Variants in CEMIP2 observed in about 807,000 individuals in gnomAD.
CEMIP2 encodes the protein cell surface hyaluronidase CEMIP2.
Under a neutral mutation model 146.9 loss-of-function variants are expected in CEMIP2, and 79 were observed. The ratio of observed to expected loss-of-function variants is 0.54; its 90% CI spans 0.45 to 0.65. The LOEUF (loss-of-function observed/expected upper bound fraction) is 0.65, where lower values mean the gene tolerates loss of function less well. Ranked by LOEUF, CEMIP2 falls within the 30% of genes least tolerant of loss-of-function variation. The probability of loss-of-function intolerance (pLI) is 0.00; values close to 1 mark genes in which losing one functional copy is unlikely to be tolerated. For missense variants in CEMIP2, 1,596 were observed against 1,696.2 expected, an observed-to-expected ratio of 0.94 and a Z score of 1.04; for synonymous variants, 601 against 606.3, an observed-to-expected ratio of 0.99 and a Z score of 0.13.
chr9:71,684,383 A>AAAACC lies in CEMIP2; in HGVS notation c.*813_*814insGGTTT, dbSNP rs1474719767. On this transcript the variant is annotated 3_prime_UTR_variant, in exon 24 of 24. Transcript: ENST00000377044. ...AGGAAAACAACCTACTTCTTAAAAC[A>AAAACC]AAACAAAACAAAACAAAAAAGGAAA... 6.6e-6 allele frequency: 1 copy of AAAACC among 152,432 alleles called. No homozygotes were observed. Among genetic ancestry groups the AAAACC allele is most frequent in the Non-Finnish European group, 1.5e-5 (1 of 68,024 alleles). 9.4% of individuals were successfully genotyped at this position (152,432 alleles called of 1,614,324 possible).
chr9:71,722,308 C>T (rs971268942), intron 12 of CEMIP2, 119 bp downstream of exon 12: 16 of 740,710 alleles, frequency 2.2e-5, no homozygotes, highest in African/African-American at 5.4e-5. Flanking sequence ...AACCCTTTTA[C>T]GAACTTCTAA....
chr9:71,709,556 T>G, intron 16 of CEMIP2, 82 bp from the exon 17 acceptor site: 2 of 1,139,326 alleles, frequency 1.8e-6, no homozygotes, highest in Non-Finnish European at 2.6e-6. Flanking sequence ...CAACTGCAGG[T>G]CCATTGTGAT....
chr9:71,760,729 A>G (rs918207042), intron 1 of CEMIP2, among the ~76,000 whole-genome samples: 3 of 152,184 alleles, frequency 2.0e-5, no homozygotes, highest in African/African-American at 4.8e-5. Flanking sequence ...CTCTCTGAGC[A>G]ACCAAAAATA....
chr9:71,750,207 T>C lies in CEMIP2; in HGVS notation c.167A>G (p.Asp56Gly), dbSNP rs1368623677. 1 of 1,614,142 alleles carries C rather than the reference T, an allele frequency of 6.2e-7. No homozygotes were observed. Among genetic ancestry groups the C allele is most frequent in the South Asian group, 1.1e-5 (1 of 91,086 alleles). ...AGGTGAGAATGCGAAGGTTGCCCGG[T>C]CTTCTCGTCTGATGGAGGTAAATTT... The part of the protein sequence containing the change: ...SAKFTSIRRE[D>G]RATFAFSPEE... The change falls in exon 2 of 24, where the codon GAC becomes GGC. Residue 56 changes from aspartate (D) to glycine (G), a missense_variant. Asp to Gly is a moderately conservative substitution (Grantham distance 94, BLOSUM62 -1). Coordinates refer to ENST00000377044, the MANE Select transcript of CEMIP2 (RefSeq NM_013390.3).
chr9:71,746,651 C>T (rs1219405959), intron 2 of CEMIP2, among the ~76,000 whole-genome samples: 1 of 126,314 alleles, frequency 7.9e-6, no homozygotes, highest in Non-Finnish European at 1.7e-5. Context: ...TGGAAATAAA[C>T]CAATAGTAAG....
chr9:71,693,850 C>T (rs1238963708), intron 21 of CEMIP2, among the ~76,000 whole-genome samples: 1 of 152,146 alleles, frequency 6.6e-6, no homozygotes, highest in Non-Finnish European at 1.5e-5. Context: ...ATCCTAATCT[C>T]CAAGGTAACA....
chr9:71,689,981 T>A (rs1401044122), intron 22 of CEMIP2, 111 bp downstream of exon 22: 2 of 1,327,298 alleles, frequency 1.5e-6, no homozygotes, highest in East Asian at 2.3e-5. Context: ...CCTTGCATAG[T>A]GCCCTGAATG....
chr9:71,695,481 C>G (rs1822368328), intron 20 of CEMIP2, among the ~76,000 whole-genome samples: 1 of 152,046 alleles, frequency 6.6e-6, no homozygotes, highest in African/African-American at 2.4e-5. Flanking sequence ...TCAAGACCAG[C>G]CTGGTCAACA....
At chr9:71,758,728 A>G (rs570152499) in intron 1 of CEMIP2, among the ~76,000 whole-genome samples, 63 of 152,314 alleles carry the variant, frequency 4.1e-4, no homozygotes, top group African/African-American at 1.5e-3. Flanking sequence ...AATTTCCCCC[A>G]TAAAAGACTG....
intron 4 of CEMIP2, among the ~76,000 whole-genome samples, chr9:71,741,086 T>C (rs758537526): frequency 6.6e-6 from 1 of 152,144 alleles, no homozygotes; most frequent in South Asian, 2.1e-4. Context: ...TTATCCTTCT[T>C]TTATCCTTCT....
Position 71,746,307 on chromosome 9 carries a change from A to G in CEMIP2, c.366T>C (p.Asn122=), listed in dbSNP as rs537450288. ...NCPDQNPRLR[N]WDPGQDSAKQ... The stretch of plus-strand genomic sequence containing the variant: ...TTGCAGAATCTTGTCCTGGATCCCA[A>G]TTCCTGAGACGAGGATTTTGATCTG... The change falls in exon 3 of 24, where the codon AAT becomes AAC. Residue 122 remains asparagine (N), a synonymous_variant. Transcript: ENST00000377044. 2 of 1,613,922 alleles carry G rather than the reference A, an allele frequency of 1.2e-6. No homozygotes were observed. Among genetic ancestry groups the G allele is most frequent in the South Asian group, 2.2e-5 (2 of 91,082 alleles).
At chr9:71,756,612 G>A (rs951348848) in intron 1 of CEMIP2, among the ~76,000 whole-genome samples, 2 of 151,686 alleles carry the variant, frequency 1.3e-5, no homozygotes, top group Admixed American at 6.6e-5. Context: ...TTGAGGCTCT[G>A]GGCAATTTGA....
intron 1 of CEMIP2, among the ~76,000 whole-genome samples, chr9:71,767,126 A>G (rs1824819602): frequency 6.6e-6 from 1 of 152,234 alleles, no homozygotes; most frequent in African/African-American, 2.4e-5. Flanking sequence ...AGCGTCCTTC[A>G]AGGGTCAAAT....
chr9:71,706,185 C>G (rs1021406896), intron 17 of CEMIP2, among the ~76,000 whole-genome samples: 3 of 148,908 alleles, frequency 2.0e-5, no homozygotes, highest in Non-Finnish European at 4.4e-5. Flanking sequence ...GCCAAGATAG[C>G]ACTATTGCAC....
chr9:71,700,268 C>G (rs1822522367), intron 19 of CEMIP2, among the ~76,000 whole-genome samples: 1 of 152,112 alleles, frequency 6.6e-6, no homozygotes, highest in Non-Finnish European at 1.5e-5. Context: ...GTAAGATAGC[C>G]TAAGTCAGGA....
intron 4 of CEMIP2, among the ~76,000 whole-genome samples, chr9:71,743,529 G>A (rs1012312936): frequency 7.2e-5 from 11 of 152,132 alleles, no homozygotes; most frequent in African/African-American, 2.4e-4. Context: ...GCACGCTCCC[G>A]AACTTCTTTC....
intron 4 of CEMIP2, among the ~76,000 whole-genome samples, chr9:71,743,773 A>T (rs1823991745): frequency 6.6e-6 from 1 of 152,204 alleles, no homozygotes; most frequent in Non-Finnish European, 1.5e-5. Context: ...TATCCCCTAC[A>T]TGAATAAAAG....
intron 19 of CEMIP2, among the ~76,000 whole-genome samples, chr9:71,699,898 C>A (rs1822511690): frequency 6.6e-6 from 1 of 152,224 alleles, no homozygotes; most frequent in African/African-American, 2.4e-5. Context: ...GAGCATTCAA[C>A]CTTTCCTTCT....
At chr9:71,719,458 G>A (rs907529260) in intron 12 of CEMIP2, among the ~76,000 whole-genome samples, 9 of 152,162 alleles carry the variant, frequency 5.9e-5, no homozygotes, top group African/African-American at 2.2e-4. Context: ...GAAGTCAATG[G>A]AAGCATGGAA....
Sources: allele counts gnomAD v4.1 joint callset (sites outside exome capture counted in the v4.1 genomes callset), GRCh38; gene constraint gnomAD v4.1.1; transcripts MANE v1.5; gene names NCBI Gene and HGNC (gene_info 2026-07-23, HGNC 2026-07-21).